The following FSTL4 variants were observed in gnomAD, a reference collection of about 807,000 sequenced individuals.
The protein encoded by FSTL4 is follistatin like 4, also known as follistatin-related protein 4.
FSTL4 carries 28 observed loss-of-function variants against 78.2 expected under a neutral mutation model. The ratio of observed to expected loss-of-function variants is 0.36; its 90% CI spans 0.27 to 0.49. The LOEUF (loss-of-function observed/expected upper bound fraction) is 0.49. Among genes scored for constraint, FSTL4 ranks in the 20% least tolerant of loss-of-function variants. FSTL4 has a pLI of 0.98. For missense variants in FSTL4, 922 were observed against 1,084.9 expected, an observed-to-expected ratio of 0.85 and a Z score of 2.11; for synonymous variants, 422 against 440.5, an observed-to-expected ratio of 0.96 and a Z score of 0.53.
chr5:133,284,627 C>A (rs1581592635), intron 6 of FSTL4, among the ~76,000 whole-genome samples: 1 of 152,206 alleles, frequency 6.6e-6, no homozygotes, highest in African/African-American at 2.4e-5. Flanking sequence ...TTGGACTCTG[C>A]CTTGGACACT....
the FSTL4 span, among the ~76,000 whole-genome samples, chr5:133,756,087 T>C: frequency 6.6e-6 from 1 of 151,856 alleles, no homozygotes; most frequent in South Asian, 2.1e-4. Flanking sequence ...GCATGTTAAG[T>C]AGGGAGGAGG....
chr5:133,470,119 G>C (rs539383967), intron 3 of FSTL4, among the ~76,000 whole-genome samples: 4 of 152,230 alleles, frequency 2.6e-5, no homozygotes, highest in Middle Eastern at 3.4e-3. Flanking sequence ...ACTGCCAGCT[G>C]ACAGGCCCTG....
At chr5:133,265,629 C>G (rs1358438225) in intron 6 of FSTL4, among the ~76,000 whole-genome samples, 1 of 152,180 alleles carries the variant, frequency 6.6e-6, no homozygotes, top group Non-Finnish European at 1.5e-5. Flanking sequence ...GACAAATTTG[C>G]CATGTGGTGG....
At chr5:133,838,597 G>A in the FSTL4 span, among the ~76,000 whole-genome samples, 13 of 152,088 alleles carry the variant, frequency 8.5e-5, no homozygotes, top group Non-Finnish European at 1.3e-4. Context: ...TAAAAACTGG[G>A]CTCCTCCAGT....
the FSTL4 span, among the ~76,000 whole-genome samples, chr5:133,740,428 C>A: frequency 1.3e-5 from 2 of 152,178 alleles, no homozygotes; most frequent in Non-Finnish European, 2.9e-5. Context: ...ACCCATACCC[C>A]CAGCCTGGCC....
chr5:133,321,688 G>T (rs1193059449), intron 4 of FSTL4, among the ~76,000 whole-genome samples: 1 of 152,244 alleles, frequency 6.6e-6, no homozygotes, highest in Admixed American at 6.5e-5. Flanking sequence ...CTGAGCTGGG[G>T]CCCGGATCCC....
At chr5:133,652,993 T>C in the FSTL4 span, among the ~76,000 whole-genome samples, 1 of 152,180 alleles carries the variant, frequency 6.6e-6, no homozygotes. Context: ...TAGATTCATA[T>C]ACCCAGAAAA....
In FSTL4 at chr5:133,338,325, A is replaced by T. The variant is rs950996041; in HGVS notation, c.410-21673T>A. On this transcript the variant is annotated intron_variant, in intron 4 of 15. Coordinates refer to ENST00000265342, the MANE Select transcript of FSTL4 (RefSeq NM_015082.2). This position sits in a 1 kb window ranked among gnomAD's most constrained non-coding sequence, Gnocchi z 4.0. Reference sequence around the variant, plus strand: ...CACTCTGGACTGGCTCCTGCGGGAGAACACAAGAGTGGCCATGGAACTGGC... The same window carrying T: ...CACTCTGGACTGGCTCCTGCGGGAGTACACAAGAGTGGCCATGGAACTGGC... 6.6e-6 allele frequency among the ~76,000 whole-genome samples: 1 copy of T among 151,896 alleles called. No individual in the cohort carries two copies. Among genetic ancestry groups the T allele is most frequent in the Admixed American group, 6.5e-5 (1 of 15,274 alleles).
At chr5:133,677,728 T>C in the FSTL4 span, among the ~76,000 whole-genome samples, 1 of 152,208 alleles carries the variant, frequency 6.6e-6, no homozygotes. Flanking sequence ...TCAGGGACTT[T>C]CGTCAAGTTG....
the FSTL4 span, among the ~76,000 whole-genome samples, chr5:133,678,533 C>A: frequency 6.6e-6 from 1 of 151,250 alleles, no homozygotes; most frequent in Admixed American, 6.6e-5. Context: ...GATGGGGAAG[C>A]CTGGGAGAGG....
At chr5:133,701,509 A>ACACCCCCCC in the FSTL4 span, among the ~76,000 whole-genome samples, 40 of 132,682 alleles carry the variant, frequency 3.0e-4, no homozygotes, top group Non-Finnish European at 5.1e-4. Flanking sequence ...ACACACACAC[A>ACACCCCCCC]CCCCACAGGC....
intron 5 of FSTL4, among the ~76,000 whole-genome samples, chr5:133,313,787 A>G (rs1422175011): frequency 6.6e-6 from 1 of 152,160 alleles, no homozygotes; most frequent in Admixed American, 6.6e-5. Flanking sequence ...ATAATGCCTG[A>G]GATCAATCTT....
At chr5:133,206,892 A>C (rs550644749) in intron 14 of FSTL4, among the ~76,000 whole-genome samples, 39 of 150,722 alleles carry the variant, frequency 2.6e-4, no homozygotes, top group Non-Finnish European at 2.4e-4. Context: ...TCCTTGGTAC[A>C]GCTTTCTCTG....
intron 5 of FSTL4, among the ~76,000 whole-genome samples, chr5:133,314,542 T>A (rs2126890088): frequency 6.6e-6 from 1 of 152,076 alleles, no homozygotes; most frequent in Admixed American, 6.6e-5. Flanking sequence ...GAGGTACTTG[T>A]TGTCCCTACA....
the FSTL4 span, among the ~76,000 whole-genome samples, chr5:133,814,940 AGCTAC>A: frequency 2.0e-5 from 3 of 152,164 alleles, no homozygotes; most frequent in Admixed American, 1.3e-4. Context: ...CATGCATGTG[AGCTAC>A]ATGGCTTGTT....
chr5:133,314,990 T>A (rs1433205971), intron 5 of FSTL4, among the ~76,000 whole-genome samples: 6 of 151,938 alleles, frequency 3.9e-5, no homozygotes, highest in Non-Finnish European at 8.8e-5. Context: ...GGTGAAACCA[T>A]ATCTCTACTA....
At chr5:133,258,796 C>T (rs1377920132) in intron 6 of FSTL4, among the ~76,000 whole-genome samples, 2 of 152,154 alleles carry the variant, frequency 1.3e-5, no homozygotes, top group Non-Finnish European at 2.9e-5. Context: ...ATAACACACC[C>T]CCTCAGAAGG....
chr5:133,688,282 G>T, the FSTL4 span, among the ~76,000 whole-genome samples: 1 of 152,298 alleles, frequency 6.6e-6, no homozygotes, highest in African/African-American at 2.4e-5. Context: ...GCGTGGTGAA[G>T]TATGCCTGTA....
chr5:133,606,081 C>T (rs901760592), intron 1 of FSTL4, among the ~76,000 whole-genome samples: 1 of 152,084 alleles, frequency 6.6e-6, no homozygotes, highest in Non-Finnish European at 1.5e-5. Context: ...AAATCATATT[C>T]GGGACTAAGA....
Sources: allele counts gnomAD v4.1 joint callset (sites outside exome capture counted in the v4.1 genomes callset), GRCh38; gene constraint gnomAD v4.1.1; non-coding constraint Gnocchi (gnomAD v3.1); transcripts MANE v1.5; gene names NCBI Gene and HGNC (gene_info 2026-07-23, HGNC 2026-07-21).